WDR48: variants seen among roughly 807,000 people sequenced by gnomAD.
WDR48 encodes WD repeat domain 48, also known as WD repeat-containing protein 48.
WDR48 carries 22 observed loss-of-function variants against 94.0 expected under a neutral mutation model. That is an observed-to-expected ratio of 0.23 (90% CI 0.17 to 0.33). The LOEUF is 0.33. WDR48 is among the 10% of genes least tolerant of loss of function. The pLI is 1.00. For synonymous variants in WDR48, 278 were observed against 280.5 expected (o/e 0.99, Z 0.09); for missense variants, 541 against 813.8 (o/e 0.66, Z 4.08).
At position 39,088,218 on chromosome 3, in the gene WDR48, G is replaced by C; in HGVS notation, c.1565G>C (p.Gly522Ala). ...CCCGTGATCTTTGGTGAAGCTGGAGGTCGCACACTGTTCAGGTATGGGTAA... is the reference window on the plus strand; with the variant it reads ...CCCGTGATCTTTGGTGAAGCTGGAGCTCGCACACTGTTCAGGTATGGGTAA... Reference protein sequence around the residue: ...HTPVIFGEAGGRTLFRLLCRD... With the variant: ...HTPVIFGEAGARTLFRLLCRD... Residue 522 changes from glycine (G) to alanine (A), a missense_variant, in exon 15 of 19, where the codon GGT becomes GCT. Gly to Ala is a moderately conservative substitution (Grantham distance 60). This residue lies in a region of WDR48 where 109 missense variants were observed against 195.5 expected (regional missense o/e 0.56). Transcript: ENST00000302313. The C allele has an allele frequency of 3.1e-6, 5 of 1,614,190 alleles. No individual in the cohort carries two copies. Among genetic ancestry groups the C allele is most frequent in the Non-Finnish European group, 4.2e-6 (5 of 1,180,034 alleles).
At chr3:39,052,165 G>A in intron 1 of WDR48, 92 bp downstream of exon 1, 1 of 1,532,216 alleles carries the variant, frequency 6.5e-7, no homozygotes. Context: ...GACCAGCTGG[G>A]GTAGCGGCAT....
At chr3:39,060,744 T>C (rs531701156) in intron 1 of WDR48, among the ~76,000 whole-genome samples, 6 of 152,294 alleles carry the variant, frequency 3.9e-5, no homozygotes, top group African/African-American at 1.4e-4. Flanking sequence ...TTTGGGAGGC[T>C]GAGGCGGGTG....
At position 39,083,484 on chromosome 3, in the gene WDR48, C is replaced by T. The variant is rs117578331; in HGVS notation, c.1174-671C>T. On this transcript the variant is annotated intron_variant, in intron 11 of 18. Transcript: ENST00000302313. The stretch of plus-strand genomic sequence containing the variant: ...ACCGGAGCACAGTCAGAAGGGACAC[C>T]GTTTTCCTTGCACCAGGGAGAATGA... 3.0e-3 allele frequency among the ~76,000 whole-genome samples: 453 copies of T among 152,238 alleles called. 17 individuals are homozygous for T. In the East Asian group the frequency reaches 0.08, roughly 27 times the overall value.
intron 1 of WDR48, among the ~76,000 whole-genome samples, chr3:39,052,782 G>A (rs1423325454): frequency 2.0e-5 from 3 of 152,170 alleles, no homozygotes; most frequent in Non-Finnish European, 2.9e-5. Context: ...TGTGTCTTGT[G>A]CCTTATGCCT....
At position 39,063,158 on chromosome 3, in the gene WDR48, A is replaced by G. The variant is rs1190327945; in HGVS notation, c.157A>G (p.Ile53Val). 3 of 1,614,156 alleles carry G rather than the reference A, an allele frequency of 1.9e-6. No homozygotes were observed. The highest frequency in any genetic ancestry group is 2.5e-6 in the Non-Finnish European group (3 of 1,179,994). Residue 53 changes from isoleucine to valine, a missense_variant, in exon 2 of 19, where the codon ATC (isoleucine) becomes GTC (valine). By Grantham distance (29) the Ile-to-Val change is conservative. Around this residue, in one of 5 missense-constraint regions of WDR48, gnomAD observed 90 missense variants for 122.3 expected, o/e 0.74. Coordinates refer to ENST00000302313, the MANE Select transcript of WDR48 (RefSeq NM_020839.4). Reference sequence around the variant, plus strand: ...ACTTTTCACAGCCGGTCGAGACTCTATCATAAGAATATGGAGTGTCAATCA... The same window carrying G: ...ACTTTTCACAGCCGGTCGAGACTCTGTCATAAGAATATGGAGTGTCAATCA... ...NRLFTAGRDS[I>V]IRIWSVNQHK...
intron 1 of WDR48, among the ~76,000 whole-genome samples, chr3:39,057,901 G>C (rs192483568): frequency 1.3e-5 from 2 of 152,218 alleles, no homozygotes; most frequent in African/African-American, 4.8e-5. Context: ...TTACAGGCAT[G>C]AGCCACTGCG....
intron 1 of WDR48, among the ~76,000 whole-genome samples, chr3:39,060,639 T>C (rs1323658779): frequency 6.6e-6 from 1 of 152,208 alleles, no homozygotes; most frequent in Non-Finnish European, 1.5e-5. Flanking sequence ...TGGAAGAGTT[T>C]TCTCTGGCAA....
intron 1 of WDR48, among the ~76,000 whole-genome samples, chr3:39,060,419 CATAT>C (rs200990149): frequency 0.015 from 2,177 of 147,730 alleles, 53 homozygotes; most frequent in African/African-American, 0.049. Flanking sequence ...TGTGTGTGTG[CATAT>C]ATATATATAT....
At chr3:39,061,946 T>TTTGTTG (rs542071630) in intron 1 of WDR48, among the ~76,000 whole-genome samples, 3 of 152,076 alleles carry the variant, frequency 2.0e-5, no homozygotes, top group African/African-American at 7.2e-5. Flanking sequence ...TGGGGTTGTT[T>TTTGTTG]TTGTTGTTGT....
At chr3:39,074,550 C>T (rs1367839996) in intron 7 of WDR48, among the ~76,000 whole-genome samples, 176 bp from the exon 8 acceptor site, 2 of 152,194 alleles carry the variant, frequency 1.3e-5, no homozygotes, top group Admixed American at 1.3e-4. Context: ...CCCAAAATTA[C>T]ATAAATTTGG....
chr3:39,067,026 T>C (rs1170181158), intron 5 of WDR48, 151 bp downstream of exon 5: 3 of 899,768 alleles, frequency 3.3e-6, no homozygotes, highest in Non-Finnish European at 5.0e-6. Context: ...CCCAAGAGTA[T>C]GATTGAACAA....
chr3:39,084,123 T>G, intron 11 of WDR48, 32 bp from the exon 12 acceptor site: 2 of 1,217,616 alleles, frequency 1.6e-6, no homozygotes, highest in Non-Finnish European at 2.2e-6. Context: ...CACCACTTAA[T>G]ATTGATCATT....
intron 1 of WDR48, chr3:39,052,372 C>T (rs961389397): frequency 5.5e-6 from 2 of 366,364 alleles, no homozygotes; most frequent in South Asian, 2.9e-5. Context: ...TAGGCTCGTT[C>T]CCCGCCCACT....
chr3:39,076,217 C>G (rs2034215862), intron 8 of WDR48, among the ~76,000 whole-genome samples: 1 of 152,156 alleles, frequency 6.6e-6, no homozygotes, highest in Non-Finnish European at 1.5e-5. Flanking sequence ...AGAATTCAGA[C>G]AAAACTGGCC....
intron 1 of WDR48, among the ~76,000 whole-genome samples, chr3:39,054,482 A>G (rs1360205273): frequency 6.6e-6 from 1 of 152,228 alleles, no homozygotes; most frequent in Admixed American, 6.5e-5. Context: ...CCGCTGTTCT[A>G]TACCTCTTGC....
At chr3:39,069,797 A>C in intron 7 of WDR48, 53 bp downstream of exon 7, 1 of 1,459,638 alleles carries the variant, frequency 6.9e-7, no homozygotes, top group Non-Finnish European at 9.5e-7. Context: ...AAATTTCCGC[A>C]CTTTGTATAC....
chr3:39,058,134 G>A (rs1285521347), intron 1 of WDR48, among the ~76,000 whole-genome samples: 1 of 151,984 alleles, frequency 6.6e-6, no homozygotes, highest in East Asian at 1.9e-4. Flanking sequence ...CTCTCATGCT[G>A]TTGCCCAGGT....
chr3:39,059,275 G>A (rs1239043041), intron 1 of WDR48, among the ~76,000 whole-genome samples: 2 of 152,104 alleles, frequency 1.3e-5, no homozygotes, highest in African/African-American at 4.8e-5. Flanking sequence ...GATTCGAGGG[G>A]TGGTGAATCT....
At chr3:39,084,915 T>C (rs912024142) in intron 13 of WDR48, among the ~76,000 whole-genome samples, 174 bp downstream of exon 13, 2 of 152,170 alleles carry the variant, frequency 1.3e-5, no homozygotes, top group Admixed American at 6.5e-5. Context: ...TAATTTCATA[T>C]GGAAATAGCC....
Sources: allele counts gnomAD v4.1 joint callset (sites outside exome capture counted in the v4.1 genomes callset), GRCh38; gene constraint gnomAD v4.1.1; regional missense constraint gnomAD v4.1.1; transcripts MANE v1.5; gene names NCBI Gene and HGNC (gene_info 2026-07-23, HGNC 2026-07-21).